DLGAP2: variants seen among roughly 807,000 people sequenced by gnomAD.
DLGAP2 encodes the protein disks large-associated protein 2.
Under a neutral mutation model 100.3 loss-of-function variants are expected in DLGAP2, and 26 were observed. The observed-to-expected ratio is 0.26, with a 90% CI of 0.19 to 0.36. The LOEUF (loss-of-function observed/expected upper bound fraction) is 0.36. DLGAP2 is among the 10% of genes least tolerant of loss of function. DLGAP2 has a pLI of 1.00. For missense variants in DLGAP2, 1,858 were observed against 1,453.2 expected (o/e 1.28, Z -4.53); for synonymous variants, 886 against 630.1 (o/e 1.41, Z -6.08).
intron 1 of DLGAP2, among the ~76,000 whole-genome samples, chr8:832,192 T>C (rs927453625): frequency 6.6e-6 from 1 of 152,252 alleles, no homozygotes; most frequent in Non-Finnish European, 1.5e-5. Flanking sequence ...TAGTTTCTTT[T>C]GCTGTGCAGA....
Position 1,295,157 on chromosome 8 carries a change from C to T in DLGAP2, c.106+36274C>T, listed in dbSNP as rs111529045. ...TCAAACTCGTCTCCTTGGGTGTCTGCGTGTTCTGGCCTCCCTTGCAGCAGA... is the reference window on the plus strand; with the variant it reads ...TCAAACTCGTCTCCTTGGGTGTCTGTGTGTTCTGGCCTCCCTTGCAGCAGA... On this transcript the variant is annotated intron_variant, in intron 3 of 14. Coordinates refer to ENST00000637795, the MANE Select transcript of DLGAP2 (RefSeq NM_001346810.2). 1.4e-3 allele frequency among the ~76,000 whole-genome samples: 206 copies of T among 152,180 alleles called. 1 individual carries two copies. Among genetic ancestry groups the T allele is most frequent in the Non-Finnish European group, 7.2e-4 (49 of 68,038 alleles).
intron 2 of DLGAP2, among the ~76,000 whole-genome samples, chr8:1,184,917 C>G (rs958825854): frequency 6.6e-6 from 1 of 152,142 alleles, no homozygotes; most frequent in African/African-American, 2.4e-5. Flanking sequence ...TCACTTGCCC[C>G]AAATCATATA....
At chr8:1,446,959 C>T (rs558875461) in intron 3 of DLGAP2, among the ~76,000 whole-genome samples, 136 of 152,262 alleles carry the variant, frequency 8.9e-4, no homozygotes, top group African/African-American at 2.8e-3. Context: ...TGAGACTTTG[C>T]TGAAGTTGCT....
At chr8:1,083,870 T>C (rs1441185760) in intron 2 of DLGAP2, among the ~76,000 whole-genome samples, 1 of 152,108 alleles carries the variant, frequency 6.6e-6, no homozygotes, top group African/African-American at 2.4e-5. Flanking sequence ...AAGTGACTCA[T>C]GTGTCTAAGT....
intron 8 of DLGAP2, among the ~76,000 whole-genome samples, chr8:1,652,478 C>G (rs1798189783): frequency 6.6e-6 from 1 of 152,182 alleles, no homozygotes; most frequent in African/African-American, 2.4e-5. Flanking sequence ...GATTCTCTCT[C>G]TGTGTGAACT....
intron 1 of DLGAP2, among the ~76,000 whole-genome samples, chr8:873,084 T>G (rs1191803132): frequency 2.0e-5 from 3 of 152,204 alleles, no homozygotes; most frequent in Non-Finnish European, 4.4e-5. Context: ...CCACACATGC[T>G]CCCACATACT....
rs918619734 is a variant in DLGAP2, at chr8:1,479,887, C to T, written c.107-21479C>T. ...AATGTGAATGCTATGATTATTTACC[C>T]CGGTGGGATTCATTGTGAAAGTATC... On this transcript the variant is annotated intron_variant, in intron 3 of 14. Coordinates refer to ENST00000637795, the MANE Select transcript of DLGAP2 (RefSeq NM_001346810.2). Among the ~76,000 whole-genome samples, 3 of 152,268 alleles carry T rather than the reference C, an allele frequency of 2.0e-5. No homozygotes were observed. In the South Asian group the frequency reaches 6.2e-4, roughly 32 times the overall value.
chr8:1,263,750 C>T (rs1407503034), intron 3 of DLGAP2, among the ~76,000 whole-genome samples: 1 of 152,076 alleles, frequency 6.6e-6, no homozygotes, highest in Non-Finnish European at 1.5e-5. Context: ...GAAATAACCC[C>T]AGCCCTGTTC....
At chr8:1,073,418 A>G (rs1803495237) in intron 2 of DLGAP2, among the ~76,000 whole-genome samples, 1 of 152,220 alleles carries the variant, frequency 6.6e-6, no homozygotes. Context: ...GTTCTATGAT[A>G]GAACTATTTT....
At chr8:1,416,749 G>T (rs950167720) in intron 3 of DLGAP2, among the ~76,000 whole-genome samples, 1 of 152,188 alleles carries the variant, frequency 6.6e-6, no homozygotes, top group Non-Finnish European at 1.5e-5. Flanking sequence ...GGAATCGGAC[G>T]TGTTGGCTGC....
At chr8:1,439,367 T>A (rs149927967) in intron 3 of DLGAP2, among the ~76,000 whole-genome samples, 37 of 152,264 alleles carry the variant, frequency 2.4e-4, no homozygotes, top group Non-Finnish European at 5.0e-4. Context: ...GACAGCACAG[T>A]CATTGCCACG....
At chr8:1,700,610 G>A (rs1396846626) in intron 14 of DLGAP2, among the ~76,000 whole-genome samples, 1 of 150,206 alleles carries the variant, frequency 6.7e-6, no homozygotes, top group African/African-American at 2.5e-5. Flanking sequence ...AAATACTTGC[G>A]TCTTTTTACA....
intron 2 of DLGAP2, among the ~76,000 whole-genome samples, chr8:994,909 T>C (rs1563133666): frequency 6.6e-6 from 1 of 152,186 alleles, no homozygotes; most frequent in Non-Finnish European, 1.5e-5. Flanking sequence ...GGAAATAGAA[T>C]GTCTAAGGAA....
chr8:1,352,647 C>T (rs575194956), intron 3 of DLGAP2, among the ~76,000 whole-genome samples: 5 of 152,300 alleles, frequency 3.3e-5, no homozygotes, highest in African/African-American at 9.6e-5. Context: ...GAGGTAAAGA[C>T]TCGAACCCTG....
At chr8:1,444,441 A>T (rs1797924929) in intron 3 of DLGAP2, among the ~76,000 whole-genome samples, 1 of 152,178 alleles carries the variant, frequency 6.6e-6, no homozygotes, top group Non-Finnish European at 1.5e-5. Context: ...TCCATATTTA[A>T]GGCCTTCCCT....
chr8:1,068,499 G>A (rs542783094), intron 2 of DLGAP2, among the ~76,000 whole-genome samples: 23 of 152,310 alleles, frequency 1.5e-4, no homozygotes, highest in Non-Finnish European at 2.6e-4. Context: ...TCAGTGGTGT[G>A]CAGGGAGGTC....
chr8:1,678,795 TTACA>T (rs1798874511), intron 12 of DLGAP2, 166 bp downstream of exon 12: 18 of 772,502 alleles, frequency 2.3e-5, no homozygotes, highest in Non-Finnish European at 3.3e-5. Context: ...AAGATATAAA[TTACA>T]TGAAAAGAGA....
chr8:1,295,339 A>G (rs1408576311), intron 3 of DLGAP2, among the ~76,000 whole-genome samples: 1 of 152,214 alleles, frequency 6.6e-6, no homozygotes, highest in East Asian at 1.9e-4. Flanking sequence ...CTTCCTGGTG[A>G]CCGTGGGCCC....
chr8:1,328,122 C>T (rs1287030904), intron 3 of DLGAP2, among the ~76,000 whole-genome samples: 2 of 152,042 alleles, frequency 1.3e-5, no homozygotes, highest in Non-Finnish European at 2.9e-5. Flanking sequence ...TCACTGCATA[C>T]TCCACCTCCC....
Sources: gnomAD v4.1 joint callset for allele counts (sites outside exome capture counted in the v4.1 genomes callset) on GRCh38, gnomAD v4.1.1 for gene constraint, MANE v1.5 for transcripts, NCBI Gene and HGNC (gene_info 2026-07-23, HGNC 2026-07-21) for gene names.